The following PLIN5 variants were observed in gnomAD, a reference collection of about 807,000 sequenced individuals.
The protein encoded by PLIN5 is perilipin-5.
A neutral mutation model predicts 32.8 loss-of-function variants in PLIN5; 34 were observed. That is an observed-to-expected ratio of 1.04 (90% CI 0.79 to 1.38). The LOEUF (loss-of-function observed/expected upper bound fraction) is 1.38. Ranked by LOEUF, PLIN5 falls within the 40% of genes most tolerant of loss-of-function variation. The pLI, the probability that PLIN5 is intolerant of heterozygous loss-of-function variation, is 0.00. For synonymous variants in PLIN5, 309 were observed against 292.9 expected, an observed-to-expected ratio of 1.05 and a Z score of -0.56; for missense variants, 712 against 660.5, an observed-to-expected ratio of 1.08 and a Z score of -0.85.
chr19:4,525,012 A>G lies in PLIN5; in HGVS notation c.785T>C (p.Leu262Pro). ...APACPGKVHE[L>P]WGEWGQRPPE... ...AGGGCGCTGGCCCCATTCCCCCCAC[A>G]GCTCGTGCACCTTCCCAGGGCAGGC... Residue 262 changes from leucine to proline, a missense_variant, in exon 7 of 8, where the codon CTG becomes CCG. Leu to Pro is a moderately conservative substitution (Grantham distance 98, BLOSUM62 -3). Coordinates refer to ENST00000381848, the MANE Select transcript of PLIN5 (RefSeq NM_001013706.3). The surrounding 1 kb of genome is among the most constrained non-coding windows in gnomAD (Gnocchi z 5.6). The G allele has an allele frequency of 1.3e-6, 2 of 1,513,752 alleles. No individual in the cohort carries two copies. Among genetic ancestry groups the G allele is most frequent in the Non-Finnish European group, 1.8e-6 (2 of 1,131,412 alleles). 93.8% of individuals were successfully genotyped at this position (1,513,752 alleles called of 1,614,324 possible).
chr19:4,524,462 G>A (rs1293403406), intron 7 of PLIN5, among the ~76,000 whole-genome samples: 1 of 152,220 alleles, frequency 6.6e-6, no homozygotes. Flanking sequence ...TGAGACAGGA[G>A]AATCGCTTGA....
chr19:4,534,353 A>G (rs2145332176), intron 1 of PLIN5: 1 of 475,762 alleles, frequency 2.1e-6, no homozygotes, highest in East Asian at 3.4e-5. Context: ...CCTGGGTTCA[A>G]ATGCTACCAT....
At chr19:4,524,691 T>TC (rs145166899) in intron 7 of PLIN5, among the ~76,000 whole-genome samples, 4,144 of 150,936 alleles carry the variant, frequency 0.027, 196 homozygotes, top group African/African-American at 0.097. Flanking sequence ...CACCCCCCTT[T>TC]CCCCCCACCT....
Position 4,531,781 on chromosome 19 carries a change from G to T in PLIN5, c.102C>A (p.Ala34=), listed in dbSNP as rs1168608262. 6.3e-7 allele frequency: 1 copy of T among 1,587,968 alleles called. No individual in the cohort carries two copies. The highest frequency in any genetic ancestry group is 8.6e-7 in the Non-Finnish European group (1 of 1,168,168). ...AAACATCGCAGACCGCGGTGCACGT[G>T]GCCCTGACCAGGGGCAGAGCCACCA... ...QRVVALPLVR[A]TCTAVCDVYS... The change falls in exon 3 of 8, where the codon GCC becomes GCA. Residue 34 remains alanine (A), a synonymous_variant. Coordinates refer to ENST00000381848, the MANE Select transcript of PLIN5 (RefSeq NM_001013706.3).
At chr19:4,526,375 C>G (rs1976803542) in intron 5 of PLIN5, among the ~76,000 whole-genome samples, 1 of 152,134 alleles carries the variant, frequency 6.6e-6, no homozygotes, top group Non-Finnish European at 1.5e-5. Context: ...GCGTGCACCA[C>G]CACACCCGAT....
At chr19:4,532,016 C>G (rs1459611585) in intron 2 of PLIN5, among the ~76,000 whole-genome samples, 194 bp from the exon 3 acceptor site, 1 of 152,230 alleles carries the variant, frequency 6.6e-6, no homozygotes, top group African/African-American at 2.4e-5. Flanking sequence ...TCACAGGCTC[C>G]TCTTCCCATG....
chr19:4,529,927 T>A lies in PLIN5; in HGVS notation c.257-61A>T, dbSNP rs369228137. On this transcript the variant is annotated intron_variant, in intron 3 of 7. Coordinates refer to ENST00000381848, the MANE Select transcript of PLIN5 (RefSeq NM_001013706.3). The stretch of plus-strand genomic sequence containing the variant: ...GACGCAGAGGGAGATAGGGACGCAG[T>A]GAGAGTTGTAGAAGGAGGGAATGCT... 2.7e-5 allele frequency: 30 copies of A among 1,100,116 alleles called. No individual in the cohort carries two copies. The African/African-American group carries it at 4.7e-4, about 17-fold the overall frequency. The allele number at this position is 1,100,116 out of a possible 1,614,324, so 68.1% of individuals were successfully genotyped here.
rs114330898 is a variant in PLIN5, at chr19:4,524,170, T to G, written c.835-85A>C. 5.5e-3 allele frequency: 7,207 copies of G among 1,307,254 alleles called. 321 individuals are homozygous for G. In the African/African-American group the frequency reaches 0.1, roughly 18 times the overall value. 81.0% of individuals were successfully genotyped at this position (1,307,254 alleles called of 1,614,324 possible). On this transcript the variant is annotated intron_variant, in intron 7 of 7. Coordinates refer to ENST00000381848, the MANE Select transcript of PLIN5 (RefSeq NM_001013706.3). The stretch of plus-strand genomic sequence containing the variant: ...CTCGGTTTCTCTGATGGACCCACAG[T>G]GGAGCTGTCAACCTGTCTCATAGAC...
rs554535277 is a variant in PLIN5 at position 4,523,781 on chromosome 19, G to A, written c.1139C>T (p.Pro380Leu). The A allele has an allele frequency of 2.6e-5, 41 of 1,597,708 alleles. No individual in the cohort carries two copies. Among genetic ancestry groups the A allele is most frequent in the Non-Finnish European group, 3.4e-5 (40 of 1,178,978 alleles). Residue 380 changes from proline (P) to leucine (L), a missense_variant, in exon 8 of 8, where the codon CCC becomes CTC. By Grantham distance (98) the Pro-to-Leu change is moderately conservative (BLOSUM62 -3). Coordinates refer to ENST00000381848, the MANE Select transcript of PLIN5 (RefSeq NM_001013706.3). This position sits in a 1 kb window ranked among gnomAD's most constrained non-coding sequence, Gnocchi z 5.0. ...PLPWLVGPFA[P>L]ILVERPEPLP... ...GGGCTCGGGTCGCTCCACAAGGATGGGCGCGAAGGGTCCCACCAGCCAGGG... is the reference window on the plus strand; with the variant it reads ...GGGCTCGGGTCGCTCCACAAGGATGAGCGCGAAGGGTCCCACCAGCCAGGG...
At chr19:4,532,083 G>A (rs1976893455) in intron 2 of PLIN5, among the ~76,000 whole-genome samples, 1 of 152,240 alleles carries the variant, frequency 6.6e-6, no homozygotes, top group Non-Finnish European at 1.5e-5. Flanking sequence ...TATCACCCAG[G>A]CTGGAGTGCA....
intron 4 of PLIN5, 164 bp from the exon 5 acceptor site, chr19:4,529,417 G>T (rs937781988): frequency 5.5e-6 from 4 of 723,266 alleles, no homozygotes; most frequent in Admixed American, 3.2e-5. Flanking sequence ...CTCACAGAGG[G>T]TGTTGAGGGA....
intron 5 of PLIN5, among the ~76,000 whole-genome samples, chr19:4,526,367 G>A (rs1416394578): frequency 3.3e-5 from 5 of 152,008 alleles, no homozygotes; most frequent in East Asian, 1.9e-4. Flanking sequence ...GACCACAGGC[G>A]TGCACCACCA....
chr19:4,529,139 C>A lies in PLIN5; in HGVS notation c.454G>T (p.Asp152Tyr), dbSNP rs371730214. The A allele has an allele frequency of 7.7e-5, 124 of 1,613,376 alleles. No homozygotes were observed. The highest frequency in any genetic ancestry group is 1.0e-4 in the Non-Finnish European group (118 of 1,180,004). ...TCCTCTGATTTTTCCAGTACAACAT[C>A]CACAGCATGGCTCACGGAGCGCTTC... is the stretch of plus-strand genomic sequence containing the variant. ...ELKRSVSHAV[D>Y]VVLEKSEELV... Residue 152 changes from aspartate to tyrosine, a missense_variant, in exon 5 of 8, where the codon GAT (aspartate) becomes TAT (tyrosine). Asp to Tyr is a radical substitution (Grantham distance 160). Coordinates refer to ENST00000381848, the MANE Select transcript of PLIN5 (RefSeq NM_001013706.3).
In PLIN5 at chr19:4,525,622, C is replaced by T. The variant is rs1281165290; in HGVS notation, c.720+11G>A. ...TGCATCCCGGAGCAGGGGCGGGCAG[C>T]GGGCTCTCACCAGCTCCAGCGTCTC... On this transcript the variant is annotated intron_variant, in intron 6 of 7. Transcript: ENST00000381848. This position sits in a 1 kb window ranked among gnomAD's most constrained non-coding sequence, Gnocchi z 5.6. The T allele has an allele frequency of 3.7e-6, 6 of 1,611,602 alleles. No homozygotes were observed. Among genetic ancestry groups the T allele is most frequent in the Non-Finnish European group, 4.2e-6 (5 of 1,179,920 alleles).
At position 4,531,751 on chromosome 19, in the gene PLIN5, A is replaced by C. The variant is rs755138773; in HGVS notation, c.132T>G (p.Ser44Arg). 1 of 1,602,596 alleles carries C rather than the reference A, an allele frequency of 6.2e-7. No individual in the cohort carries two copies. Among genetic ancestry groups the C allele is most frequent in the Non-Finnish European group, 8.5e-7 (1 of 1,176,976 alleles). The change falls in exon 3 of 8, where the codon AGT becomes AGG. Residue 44 changes from serine (S) to arginine (R), a missense_variant. Physicochemically the swap from Ser to Arg is moderately radical, Grantham distance 110 (BLOSUM62 -1). Transcript: ENST00000381848. ...ATCTAVCDVY[S>R]AAKDRHPLLG... ...GCAGCGGGTGCCTGTCCTTGGCTGC[A>C]CTGTAAACATCGCAGACCGCGGTGC...
intron 7 of PLIN5, among the ~76,000 whole-genome samples, chr19:4,524,412 C>CGTG (rs1416618185): frequency 6.6e-6 from 1 of 152,136 alleles, no homozygotes; most frequent in Non-Finnish European, 1.5e-5. Context: ...ATTAGCTGGG[C>CGTG]GTGGTGGTGG....
rs779441713 is a variant in PLIN5 at position 4,525,642 on chromosome 19, C to T, written c.711G>A (p.Thr237=). 1.4e-5 allele frequency: 22 copies of T among 1,612,988 alleles called. No homozygotes were observed. Among genetic ancestry groups the T allele is most frequent in the Middle Eastern group, 1.6e-4 (1 of 6,084 alleles). ...AQDTLAQLQE[T]LELIDHMQCG... is the part of the protein sequence containing the mutation. ...GGCAGCGGGCTCTCACCAGCTCCAG[C>T]GTCTCCTGCAGCTGGGCCAGGGTGT... is the stretch of plus-strand genomic sequence containing the variant. Residue 237 remains threonine, a synonymous_variant, in exon 6 of 8, where the codon ACG becomes ACA. Coordinates refer to ENST00000381848, the MANE Select transcript of PLIN5 (RefSeq NM_001013706.3). This position sits in a 1 kb window ranked among gnomAD's most constrained non-coding sequence, Gnocchi z 5.6.
Position 4,529,121 on chromosome 19 carries a change from A to G in PLIN5, c.472T>C (p.Ser158Pro), listed in dbSNP as rs1976844991. ...SHAVDVVLEK[S>P]EELVDHFLPM... Reference sequence around the variant, plus strand: ...AGGAAGTGATCCACCAGCTCCTCTGATTTTTCCAGTACAACATCCACAGCA... The same window carrying G: ...AGGAAGTGATCCACCAGCTCCTCTGGTTTTTCCAGTACAACATCCACAGCA... The change falls in exon 5 of 8, where the codon TCA (serine) becomes CCA (proline). Residue 158 changes from serine to proline, a missense_variant. Coordinates refer to ENST00000381848, the MANE Select transcript of PLIN5 (RefSeq NM_001013706.3). The G allele has an allele frequency of 3.7e-6, 6 of 1,613,178 alleles. No homozygotes were observed. In the African/African-American group the frequency reaches 8.0e-5, roughly 22 times the overall value.
chr19:4,530,673 G>T (rs1295965722), intron 3 of PLIN5, among the ~76,000 whole-genome samples: 2 of 152,016 alleles, frequency 1.3e-5, no homozygotes, highest in Non-Finnish European at 2.9e-5. Flanking sequence ...CAGGGGATCA[G>T]ATTTATTTAT....
Sources: gnomAD v4.1 joint callset for allele counts (sites outside exome capture counted in the v4.1 genomes callset) on GRCh38, gnomAD v4.1.1 for gene constraint, Gnocchi (gnomAD v3.1) non-coding constraint, MANE v1.5 for transcripts, NCBI Gene and HGNC (gene_info 2026-07-23, HGNC 2026-07-21) for gene names.